The following HSPA4L variants were observed in gnomAD, a reference collection of about 807,000 sequenced individuals.
HSPA4L encodes the protein heat shock protein family A (Hsp70) member 4 like.
Under a neutral mutation model 100.3 loss-of-function variants are expected in HSPA4L, and 48 were observed. The observed-to-expected ratio is 0.48, with a 90% CI of 0.38 to 0.61. The LOEUF is 0.61. HSPA4L is among the 20% of genes least tolerant of loss of function. HSPA4L has a pLI of 0.00. For missense variants in HSPA4L, 886 were observed against 988.6 expected (o/e 0.90, Z 1.39); for synonymous variants, 319 against 328.2 (o/e 0.97, Z 0.30).
intron 9 of HSPA4L, 44 bp from the exon 10 acceptor site, chr4:127,805,643 T>G: frequency 7.1e-7 from 1 of 1,406,302 alleles, no homozygotes; most frequent in East Asian, 2.3e-5. Flanking sequence ...CTAGGGTATG[T>G]TTTGTATTTG....
rs541616836 is a variant in HSPA4L, at chr4:127,839,082, T to G, written c.*6208T>G. 3.3e-4 allele frequency: 50 copies of G among 152,328 alleles called. No homozygotes were observed. Among genetic ancestry groups the G allele is most frequent in the African/African-American group, 1.2e-3 (48 of 41,584 alleles). 9.4% of individuals were successfully genotyped at this position (152,328 alleles called of 1,614,324 possible). ...TTAAGTAAACAACATCCCTCATTTT[T>G]AATCCAAATATCAATTTGACAGAAT... On this transcript the variant is annotated 3_prime_UTR_variant, in exon 19 of 19. Coordinates refer to ENST00000296464, the MANE Select transcript of HSPA4L (RefSeq NM_014278.4).
chr4:127,805,371 C>T (rs1288534792), intron 9 of HSPA4L, 147 bp downstream of exon 9: 2 of 621,096 alleles, frequency 3.2e-6, no homozygotes, highest in Non-Finnish European at 5.4e-6. Flanking sequence ...AGTCTTATGT[C>T]TTTCCCATTT....
In HSPA4L at chr4:127,833,706, C is replaced by T. The variant is rs1220291695; in HGVS notation, c.*832C>T. Reference sequence around the variant, plus strand: ...ATCTGTGATGTTCATAGCCTTGTTTCAGTTATAATAGTTGTCTTGTTTTTT... The same window carrying T: ...ATCTGTGATGTTCATAGCCTTGTTTTAGTTATAATAGTTGTCTTGTTTTTT... On this transcript the variant is annotated 3_prime_UTR_variant, in exon 19 of 19. Transcript: ENST00000296464. 6.6e-6 allele frequency: 1 copy of T among 152,080 alleles called. No homozygotes were observed. The highest frequency in any genetic ancestry group is 1.5e-5 in the Non-Finnish European group (1 of 67,998). 9.4% of individuals were successfully genotyped at this position (152,080 alleles called of 1,614,324 possible).
At chr4:127,818,487 C>T (rs1351617594) in intron 13 of HSPA4L, 67 bp downstream of exon 13, 1 of 990,036 alleles carries the variant, frequency 1.0e-6, no homozygotes, top group East Asian at 2.5e-5. Flanking sequence ...GTATTTAATG[C>T]TTTCTTTTAA....
chr4:127,803,089 G>C (rs1474120226), intron 6 of HSPA4L, among the ~76,000 whole-genome samples: 1 of 151,716 alleles, frequency 6.6e-6, no homozygotes, highest in Non-Finnish European at 1.5e-5. Context: ...TTGTTACCTG[G>C]TTTTTTTGTT....
chr4:127,794,305 G>A (rs1208974061), intron 2 of HSPA4L, among the ~76,000 whole-genome samples, 171 bp downstream of exon 2: 1 of 151,904 alleles, frequency 6.6e-6, no homozygotes, highest in Non-Finnish European at 1.5e-5. Flanking sequence ...TTTGCTTTGG[G>A]TTGTAAAATA....
At position 127,822,868 on chromosome 4, in the gene HSPA4L, GTC is replaced by G; in HGVS notation, c.1914_1915del (p.Tyr639Ter). The G allele has an allele frequency of 6.2e-7, 1 of 1,613,402 alleles. No individual in the cohort carries two copies. Among genetic ancestry groups the G allele is most frequent in the Non-Finnish European group, 8.5e-7 (1 of 1,179,688 alleles). On this transcript the variant is annotated frameshift_variant, in exon 15 of 19. Coordinates refer to ENST00000296464, the MANE Select transcript of HSPA4L (RefSeq NM_014278.4). LOFTEE classifies it high-confidence loss of function. ...TGATTTTAGAGACAGGCTGGGCACT[GTC>G]TATGAAAAATTCATCACTCCAGAAG... is the stretch of plus-strand genomic sequence containing the variant. ...VYDFRDRLGT[V>X]YEKFITPEDL... is the part of the protein sequence containing the mutation.
At chr4:127,812,478 G>C (rs1175885222) in intron 12 of HSPA4L, among the ~76,000 whole-genome samples, 6 of 151,366 alleles carry the variant, frequency 4.0e-5, no homozygotes, top group African/African-American at 1.5e-4. Context: ...TGAATTTACT[G>C]TGGGGATACT....
In HSPA4L at chr4:127,833,579, A is replaced by G. The variant is rs562267046; in HGVS notation, c.*705A>G. 1 of 152,320 alleles carries G rather than the reference A, an allele frequency of 6.6e-6. No individual in the cohort carries two copies. Among genetic ancestry groups the G allele is most frequent in the South Asian group, 2.1e-4 (1 of 4,830 alleles). The allele number at this position is 152,320 out of a possible 1,614,324, so 9.4% of individuals were successfully genotyped here. ...CTTGAAATTTTTGATCTTGTCCTGA[A>G]GACTAGCTGCTGCTAAAACAATGCT... On this transcript the variant is annotated 3_prime_UTR_variant, in exon 19 of 19. Transcript: ENST00000296464.
chr4:127,808,518 T>G (rs1052231905), intron 11 of HSPA4L, among the ~76,000 whole-genome samples: 1 of 151,960 alleles, frequency 6.6e-6, no homozygotes, highest in African/African-American at 2.4e-5. Context: ...ATTTGGGAGG[T>G]TGTATGTAGG....
At chr4:127,811,082 T>C (rs193199763) in intron 11 of HSPA4L, among the ~76,000 whole-genome samples, 1 of 152,190 alleles carries the variant, frequency 6.6e-6, no homozygotes, top group Admixed American at 6.5e-5. Context: ...GTTTTCAAAT[T>C]CAGAAAGTGA....
In HSPA4L at chr4:127,837,941, A is replaced by G. The variant is rs576778968; in HGVS notation, c.*5067A>G. The G allele has an allele frequency of 3.3e-5, 5 of 152,268 alleles. No homozygotes were observed. Among genetic ancestry groups the G allele is most frequent in the African/African-American group, 1.2e-4 (5 of 41,528 alleles). The allele number at this position is 152,268 out of a possible 1,614,324, so 9.4% of individuals were successfully genotyped here. The stretch of plus-strand genomic sequence containing the variant: ...TGCCTCAGCCTCCCAAGTAGCTGGG[A>G]TTACAGGAACCCACCACCACGCCCA... On this transcript the variant is annotated 3_prime_UTR_variant, in exon 19 of 19. Transcript: ENST00000296464.
intron 11 of HSPA4L, chr4:127,809,561 T>G (rs1331289395): frequency 5.6e-6 from 4 of 713,742 alleles, no homozygotes; most frequent in South Asian, 3.1e-5. Context: ...ACTGTGACTT[T>G]CAAAATTTTG....
Position 127,812,777 on chromosome 4 carries a change from T to A in HSPA4L, c.1578+1141T>A, listed in dbSNP as rs1024385412. The A allele has an allele frequency of 8.9e-6, 13 of 1,463,124 alleles. No homozygotes were observed. In the African/African-American group the frequency reaches 1.5e-4, roughly 17 times the overall value. 90.6% of individuals were successfully genotyped at this position (1,463,124 alleles called of 1,614,324 possible). On this transcript the variant is annotated intron_variant, in intron 12 of 18. Coordinates refer to ENST00000296464, the MANE Select transcript of HSPA4L (RefSeq NM_014278.4). The stretch of plus-strand genomic sequence containing the variant: ...AGCTCAGGCTCCTTCCCATTGGTTC[T>A]CACAAAGTGTGCTGCTCTGGGTGGA...
At chr4:127,820,660 T>A in intron 14 of HSPA4L, 95 bp downstream of exon 14, 3 of 1,139,426 alleles carry the variant, frequency 2.6e-6, no homozygotes, top group Non-Finnish European at 3.8e-6. Flanking sequence ...GGCACTAGTT[T>A]ATAACTCCTA....
rs112666930 is a variant in HSPA4L at position 127,782,770 on chromosome 4, C to T, written c.107+113C>T. ...GGATTTTCCCCTAACGTGCGCCGAA[C>T]CCCGAGATGACAGGTGCAACCCGTC... On this transcript the variant is annotated intron_variant, in intron 1 of 18. Coordinates refer to ENST00000296464, the MANE Select transcript of HSPA4L (RefSeq NM_014278.4). The T allele has an allele frequency of 2.7e-4, 204 of 768,564 alleles. 3 individuals are homozygous for T. The African/African-American group carries it at 3.1e-3, about 12-fold the overall frequency. 47.6% of individuals were successfully genotyped at this position (768,564 alleles called of 1,614,324 possible).
At chr4:127,807,572 T>G (rs1733395471) in intron 10 of HSPA4L, among the ~76,000 whole-genome samples, 2 of 152,104 alleles carry the variant, frequency 1.3e-5, no homozygotes, top group African/African-American at 4.8e-5. Context: ...CTTGTCCTAT[T>G]TTTAATTTTG....
chr4:127,782,059 AATG>A (rs1344661058), upstream of HSPA4L: 22 of 455,000 alleles, frequency 4.8e-5, no homozygotes, highest in Non-Finnish European at 9.3e-5. Flanking sequence ...CGAGCAAGCC[AATG>A]TGCCTAGCCT....
At chr4:127,818,899 A>G (rs893572368) in intron 13 of HSPA4L, among the ~76,000 whole-genome samples, 2 of 151,926 alleles carry the variant, frequency 1.3e-5, no homozygotes, top group Admixed American at 1.3e-4. Flanking sequence ...AAAAAAAAGG[A>G]AATTTTATCA....
Sources: gnomAD v4.1 joint callset for allele counts (sites outside exome capture counted in the v4.1 genomes callset) on GRCh38, gnomAD v4.1.1 for gene constraint, MANE v1.5 for transcripts, NCBI Gene and HGNC (gene_info 2026-07-23, HGNC 2026-07-21) for gene names.